Variants in RSPH14 observed in about 807,000 individuals in gnomAD.
RSPH14 encodes the protein rhabdoid tumor deletion region gene 1.
In RSPH14, 20 loss-of-function variants were observed where a neutral mutation model predicts 26.7. That is an observed-to-expected ratio of 0.75 (90% CI 0.53 to 1.09). The LOEUF is 1.09. RSPH14 is among the 50% of genes least tolerant of loss of function. RSPH14 has a pLI of 0.00. For synonymous variants in RSPH14, 177 were observed against 189.3 expected, an observed-to-expected ratio of 0.93 and a Z score of 0.53; for missense variants, 449 against 457.2, an observed-to-expected ratio of 0.98 and a Z score of 0.16.
At chr22:23,146,080 C>T, upstream of RSPH14, 1 of 937,972 alleles carries the variant, frequency 1.1e-6, no homozygotes, top group Non-Finnish European at 1.3e-6. Flanking sequence ...CAAGGGGAGA[C>T]CCAGGTCTTC....
chr22:23,063,815 A>C, intron 5 of RSPH14, 87 bp downstream of exon 5: 1 of 1,278,148 alleles, frequency 7.8e-7, no homozygotes, highest in Non-Finnish European at 1.1e-6. Context: ...AAGCAGGCCC[A>C]GGGTGGCCGC....
chr22:23,079,027 C>G (rs1196228851), intron 4 of RSPH14, among the ~76,000 whole-genome samples: 3 of 152,202 alleles, frequency 2.0e-5, no homozygotes, highest in Non-Finnish European at 4.4e-5. Context: ...CTCACTCAGT[C>G]ACTACGAGGG....
intron 4 of RSPH14, among the ~76,000 whole-genome samples, chr22:23,106,112 G>A (rs144687331): frequency 2.6e-5 from 4 of 152,296 alleles, no homozygotes; most frequent in East Asian, 1.9e-4. Context: ...CGTGACTCCC[G>A]CCACATATCA....
At chr22:23,067,369 C>CA (rs1282582174) in intron 4 of RSPH14, among the ~76,000 whole-genome samples, 1 of 152,210 alleles carries the variant, frequency 6.6e-6, no homozygotes, top group Non-Finnish European at 1.5e-5. Flanking sequence ...TGTTGTCTCC[C>CA]AGCCAATGAG....
intron 4 of RSPH14, among the ~76,000 whole-genome samples, chr22:23,089,430 G>A (rs1253031611): frequency 6.6e-6 from 1 of 152,170 alleles, no homozygotes; most frequent in Non-Finnish European, 1.5e-5. Context: ...GTGACCATGG[G>A]TATTATGTTG....
intron 4 of RSPH14, among the ~76,000 whole-genome samples, chr22:23,104,249 C>T (rs535465579): frequency 2.6e-5 from 4 of 152,270 alleles, no homozygotes; most frequent in East Asian, 3.9e-4. Flanking sequence ...AGGGCAAGGT[C>T]GCAGGCACAG....
chr22:23,083,713 A>G (rs1486582274), intron 4 of RSPH14, among the ~76,000 whole-genome samples: 1 of 152,172 alleles, frequency 6.6e-6, no homozygotes, highest in African/African-American at 2.4e-5. Context: ...AGGAGCCGGC[A>G]GCCCTGAGGC....
chr22:23,167,553 C>T, the RSPH14 span, among the ~76,000 whole-genome samples: 1 of 152,154 alleles, frequency 6.6e-6, no homozygotes, highest in South Asian at 2.1e-4. Flanking sequence ...TGGGATGGAC[C>T]ACTGTCAGAC....
chr22:23,161,787 C>A, the RSPH14 span: 1 of 549,510 alleles, frequency 1.8e-6, no homozygotes. Context: ...TGCCTGGGAG[C>A]CCCACACCAC....
chr22:23,106,792 A>G (rs2069493460), intron 4 of RSPH14, among the ~76,000 whole-genome samples: 1 of 152,218 alleles, frequency 6.6e-6, no homozygotes, highest in Admixed American at 6.5e-5. Context: ...CAGATGAGGA[A>G]ACTCGGGTTT....
At chr22:23,131,781 G>A (rs530230419) in intron 4 of RSPH14, 1 of 490,978 alleles carries the variant, frequency 2.0e-6, no homozygotes. Flanking sequence ...ATGCATGACT[G>A]TCATTCAAGG....
At chr22:23,158,063 C>T in the RSPH14 span, 1 of 1,613,728 alleles carries the variant, frequency 6.2e-7, no homozygotes, top group African/African-American at 1.3e-5. Flanking sequence ...GGCTCTCTGG[C>T]CCCTGCAGTC....
chr22:23,063,018 G>A (rs1187187344), intron 5 of RSPH14, among the ~76,000 whole-genome samples: 2 of 152,216 alleles, frequency 1.3e-5, no homozygotes, highest in Non-Finnish European at 2.9e-5. Context: ...GTAACGGCAG[G>A]GATGGTGGTC....
intron 4 of RSPH14, chr22:23,131,731 T>G (rs958449372): frequency 3.5e-6 from 3 of 858,052 alleles, no homozygotes; most frequent in Admixed American, 4.7e-5. Context: ...TGGTCCCCCA[T>G]GGATCACCCT....
chr22:23,089,533 A>C (rs1413698714), intron 4 of RSPH14, among the ~76,000 whole-genome samples: 1 of 152,166 alleles, frequency 6.6e-6, no homozygotes, highest in Non-Finnish European at 1.5e-5. Flanking sequence ...CAGGATGCAA[A>C]GGTCCCAAGA....
At chr22:23,141,833 G>T in intron 1 of RSPH14, 116 bp downstream of exon 1, 1 of 327,294 alleles carries the variant, frequency 3.1e-6, no homozygotes, top group Non-Finnish European at 4.4e-6. Context: ...GGAGAGTCCG[G>T]CCGGAGACAA....
intron 4 of RSPH14, among the ~76,000 whole-genome samples, chr22:23,106,855 G>A (rs2069496455): frequency 6.6e-6 from 1 of 152,164 alleles, no homozygotes; most frequent in Admixed American, 6.5e-5. Context: ...TGGACATCCC[G>A]CTGCTGCCCA....
chr22:23,086,860 C>T (rs1159791527), intron 4 of RSPH14, among the ~76,000 whole-genome samples: 1 of 152,336 alleles, frequency 6.6e-6, no homozygotes, highest in African/African-American at 2.4e-5. Flanking sequence ...ACACCTGGCT[C>T]CTCAGCAACA....
the RSPH14 span, among the ~76,000 whole-genome samples, chr22:23,174,413 T>C: frequency 6.6e-6 from 1 of 151,936 alleles, no homozygotes; most frequent in African/African-American, 2.4e-5. Context: ...TCAAAAAATA[T>C]ATAAGTAAAT....
Sources: allele counts gnomAD v4.1 joint callset (sites outside exome capture counted in the v4.1 genomes callset), GRCh38; gene constraint gnomAD v4.1.1; transcripts MANE v1.5; gene names NCBI Gene and HGNC (gene_info 2026-07-23, HGNC 2026-07-21).